The following PHF24 variants were observed in gnomAD, a reference collection of about 807,000 sequenced individuals.
The protein encoded by PHF24 is Galpha inhibitory interacting protein.
PHF24 carries 25 observed loss-of-function variants against 42.6 expected under a neutral mutation model. The ratio of observed to expected loss-of-function variants is 0.59; its 90% confidence interval spans 0.43 to 0.82. The LOEUF (loss-of-function observed/expected upper bound fraction) is 0.82, where lower values mean the gene tolerates loss of function less well. Ranked by LOEUF, PHF24 falls within the 40% of genes least tolerant of loss-of-function variation. The pLI is 0.00. For missense variants in PHF24, 470 were observed against 538.1 expected, an observed-to-expected ratio of 0.87 and a Z score of 1.25; for synonymous variants, 185 against 204.8, an observed-to-expected ratio of 0.90 and a Z score of 0.83.
At chr9:34,736,843 T>C in the PHF24 span, among the ~76,000 whole-genome samples, 2 of 152,130 alleles carry the variant, frequency 1.3e-5, no homozygotes, top group African/African-American at 4.8e-5. Context: ...GACAGTGGAG[T>C]GGCATCTTTA....
the PHF24 span, among the ~76,000 whole-genome samples, chr9:34,757,463 T>G: frequency 6.6e-6 from 1 of 152,226 alleles, no homozygotes; most frequent in African/African-American, 2.4e-5. Context: ...ATATGTCATG[T>G]GCAAACAGGG....
the PHF24 span, among the ~76,000 whole-genome samples, chr9:34,824,666 T>C: frequency 3.7e-4 from 57 of 152,296 alleles, 2 homozygotes; most frequent in South Asian, 0.012. Flanking sequence ...TGTTGGAGGC[T>C]GATTTTAAGC....
the PHF24 span, among the ~76,000 whole-genome samples, chr9:34,825,531 C>G: frequency 1.3e-5 from 2 of 151,962 alleles, no homozygotes; most frequent in African/African-American, 4.8e-5. Flanking sequence ...GCTGTCTGTT[C>G]TGTGTGCAAA....
At chr9:34,856,317 G>A in the PHF24 span, among the ~76,000 whole-genome samples, 1 of 152,160 alleles carries the variant, frequency 6.6e-6, no homozygotes, top group East Asian at 1.9e-4. Context: ...TGCCCTTGCT[G>A]GAGAGGTGTT....
At chr9:34,921,732 A>G in the PHF24 span, among the ~76,000 whole-genome samples, 6 of 152,336 alleles carry the variant, frequency 3.9e-5, no homozygotes, top group East Asian at 1.2e-3. Context: ...TCTGTGGGAT[A>G]TCTGTTTCTA....
chr9:34,739,248 T>C, the PHF24 span, among the ~76,000 whole-genome samples: 77 of 152,328 alleles, frequency 5.1e-4, no homozygotes, highest in African/African-American at 1.8e-3. Flanking sequence ...AAATAATATT[T>C]GATTATACAA....
At chr9:34,717,404 C>G in the PHF24 span, among the ~76,000 whole-genome samples, 5 of 152,138 alleles carry the variant, frequency 3.3e-5, no homozygotes, top group African/African-American at 9.7e-5. Context: ...GTGTGTCTAC[C>G]TGGTTTGTTC....
chr9:34,691,462 CT>C, the PHF24 span, among the ~76,000 whole-genome samples: 7 of 152,116 alleles, frequency 4.6e-5, no homozygotes, highest in African/African-American at 1.4e-4. Context: ...GCTCTGAGAA[CT>C]TAAGTCTGCA....
At chr9:34,688,018 C>T in the PHF24 span, among the ~76,000 whole-genome samples, 11 of 152,232 alleles carry the variant, frequency 7.2e-5, no homozygotes, top group South Asian at 2.1e-3. Flanking sequence ...ATCCCTATCC[C>T]TCCCACCCAC....
At chr9:34,816,309 A>G in the PHF24 span, among the ~76,000 whole-genome samples, 50 of 152,216 alleles carry the variant, frequency 3.3e-4, no homozygotes, top group Non-Finnish European at 5.3e-4. Context: ...ATATATTACA[A>G]TTTATCAAAT....
At chr9:34,815,616 C>G in the PHF24 span, among the ~76,000 whole-genome samples, 2 of 152,232 alleles carry the variant, frequency 1.3e-5, no homozygotes, top group Non-Finnish European at 2.9e-5. Context: ...GCTACCATGC[C>G]TGGCCCCCTT....
chr9:34,704,229 C>G, the PHF24 span, among the ~76,000 whole-genome samples: 1 of 150,514 alleles, frequency 6.6e-6, no homozygotes, highest in South Asian at 2.1e-4. Flanking sequence ...AGGGGTCTTG[C>G]TTCGTTGCCC....
the PHF24 span, among the ~76,000 whole-genome samples, chr9:34,912,533 T>C: frequency 6.6e-6 from 1 of 152,030 alleles, no homozygotes; most frequent in South Asian, 2.1e-4. Flanking sequence ...AAAAAACACA[T>C]AGCAAAAGCT....
At chr9:34,671,049 C>T in the PHF24 span, among the ~76,000 whole-genome samples, 1 of 152,216 alleles carries the variant, frequency 6.6e-6, no homozygotes, top group Non-Finnish European at 1.5e-5. Flanking sequence ...GACTCTAGGA[C>T]TTCACCTTCC....
At chr9:34,796,348 T>C in the PHF24 span, among the ~76,000 whole-genome samples, 2 of 151,878 alleles carry the variant, frequency 1.3e-5, no homozygotes, top group African/African-American at 4.8e-5. Flanking sequence ...ACTAAAAGAA[T>C]GGTCCCTAAG....
At chr9:34,936,188 C>T in the PHF24 span, among the ~76,000 whole-genome samples, 1 of 152,192 alleles carries the variant, frequency 6.6e-6, no homozygotes, top group East Asian at 1.9e-4. Flanking sequence ...CCTGCCTCAG[C>T]CTGCCGAGTG....
At chr9:34,762,529 CTT>C in the PHF24 span, among the ~76,000 whole-genome samples, 1 of 145,024 alleles carries the variant, frequency 6.9e-6, no homozygotes, top group Non-Finnish European at 1.5e-5. Flanking sequence ...CATTTGCCCA[CTT>C]TTTGATGGGG....
the PHF24 span, among the ~76,000 whole-genome samples, chr9:34,749,404 G>A: frequency 5.0e-4 from 76 of 152,076 alleles, no homozygotes; most frequent in East Asian, 0.013. Flanking sequence ...CTACCTCAAG[G>A]CATTTAATAA....
At chr9:34,760,435 C>T in the PHF24 span, among the ~76,000 whole-genome samples, 3 of 152,162 alleles carry the variant, frequency 2.0e-5, no homozygotes, top group Admixed American at 2.0e-4. Flanking sequence ...ACCAAGGTGC[C>T]GGGGACAGAG....
Sources: gnomAD v4.1 joint callset for allele counts (sites outside exome capture counted in the v4.1 genomes callset) on GRCh38, gnomAD v4.1.1 for gene constraint, MANE v1.5 for transcripts, NCBI Gene and HGNC (gene_info 2026-07-23, HGNC 2026-07-21) for gene names.